Variants in RALGPS2 observed in about 807,000 individuals in gnomAD.
RALGPS2 encodes the protein ras-specific guanine nucleotide-releasing factor RalGPS2.
RALGPS2 carries 43 observed loss-of-function variants against 86.8 expected under a neutral mutation model. The observed-to-expected ratio is 0.50, with a 90% confidence interval of 0.39 to 0.64. The LOEUF (loss-of-function observed/expected upper bound fraction) is 0.64, where lower values mean the gene tolerates loss of function less well. RALGPS2 is among the 30% of genes least tolerant of loss of function. The pLI is 0.00. For missense variants in RALGPS2, 536 were observed against 694.6 expected (o/e 0.77, Z 2.57); for synonymous variants, 243 against 231.3 (o/e 1.05, Z -0.46).
intron 19 of RALGPS2, 102 bp from the exon 20 acceptor site, chr1:178,916,228 T>C: frequency 1.1e-6 from 1 of 902,130 alleles, no homozygotes; most frequent in Non-Finnish European, 1.7e-6. Flanking sequence ...TAAAAGATAC[T>C]TAAGTAGAAA....
chr1:178,761,856 T>G (rs999396173), intron 1 of RALGPS2, among the ~76,000 whole-genome samples: 10 of 152,196 alleles, frequency 6.6e-5, no homozygotes, highest in Non-Finnish European at 1.5e-4. Flanking sequence ...CCAGAAGCTC[T>G]GATTGATTTT....
At chr1:178,872,108 C>T (rs952086262) in intron 8 of RALGPS2, among the ~76,000 whole-genome samples, 1 of 152,182 alleles carries the variant, frequency 6.6e-6, no homozygotes, top group African/African-American at 2.4e-5. Flanking sequence ...TACCTAGTTG[C>T]TGTAAGCTGC....
intron 1 of RALGPS2, chr1:178,747,646 T>C (rs1651410548): frequency 6.4e-7 from 1 of 1,551,214 alleles, no homozygotes; most frequent in South Asian, 1.1e-5. Context: ...ATTAATATAA[T>C]CATTCTCAGC....
chr1:178,758,538 C>G (rs1032551550), intron 1 of RALGPS2, among the ~76,000 whole-genome samples: 16 of 152,200 alleles, frequency 1.1e-4, no homozygotes, highest in Non-Finnish European at 1.5e-4. Context: ...TCCTACCCCC[C>G]CTGCCCTCAT....
chr1:178,751,372 A>G (rs1312636095), intron 1 of RALGPS2, among the ~76,000 whole-genome samples: 7 of 152,296 alleles, frequency 4.6e-5, no homozygotes, highest in African/African-American at 1.7e-4. Context: ...ACAGAAGTAA[A>G]TACGAAGGAA....
At chr1:178,725,909 G>C (rs1198706641) in intron 1 of RALGPS2, 2 of 152,210 alleles carry the variant, frequency 1.3e-5, no homozygotes, top group Middle Eastern at 3.2e-3. Context: ...CCTGGCCGCA[G>C]AGTTGGCCGC....
At chr1:178,830,588 C>T (rs544127696) in intron 7 of RALGPS2, among the ~76,000 whole-genome samples, 2 of 152,188 alleles carry the variant, frequency 1.3e-5, no homozygotes, top group Admixed American at 1.3e-4. Context: ...TGAGATGACT[C>T]AAGGGCTTAA....
At chr1:178,745,070 T>A (rs1028703907) in intron 1 of RALGPS2, among the ~76,000 whole-genome samples, 1 of 152,164 alleles carries the variant, frequency 6.6e-6, no homozygotes, top group Non-Finnish European at 1.5e-5. Context: ...GTATCAGATA[T>A]GAAATACTGT....
intron 9 of RALGPS2, 62 bp from the exon 10 acceptor site, chr1:178,878,840 A>T (rs1014205433): frequency 4.0e-5 from 63 of 1,575,888 alleles, no homozygotes; most frequent in Non-Finnish European, 5.1e-5. Flanking sequence ...TTTTCAGCTT[A>T]ATTTTTAAAG....
chr1:178,810,530 A>ATTT (rs777484199), intron 5 of RALGPS2, among the ~76,000 whole-genome samples: 1 of 140,548 alleles, frequency 7.1e-6, no homozygotes. Flanking sequence ...GCATAACTTG[A>ATTT]TTTTTTTTTT....
At chr1:178,896,651 C>G (rs1659957496) in intron 16 of RALGPS2, among the ~76,000 whole-genome samples, 1 of 145,532 alleles carries the variant, frequency 6.9e-6, no homozygotes, top group South Asian at 2.3e-4. Context: ...GTGATATTCC[C>G]CTTCCTGTGT....
At chr1:178,824,947 A>G (rs1159077129) in intron 7 of RALGPS2, among the ~76,000 whole-genome samples, 1 of 152,184 alleles carries the variant, frequency 6.6e-6, no homozygotes, top group African/African-American at 2.4e-5. Flanking sequence ...GTTTCCTCAG[A>G]CATAAAAAAG....
chr1:178,884,013 T>C (rs1412394068), intron 11 of RALGPS2, among the ~76,000 whole-genome samples: 1 of 152,100 alleles, frequency 6.6e-6, no homozygotes, highest in Non-Finnish European at 1.5e-5. Context: ...TTGCTATAGT[T>C]TGTCAGTAGT....
chr1:178,881,953 A>G (rs998694455), intron 10 of RALGPS2, among the ~76,000 whole-genome samples: 7 of 152,222 alleles, frequency 4.6e-5, no homozygotes, highest in African/African-American at 1.7e-4. Flanking sequence ...GGGCAACTTC[A>G]TCTACATAGG....
intron 4 of RALGPS2, among the ~76,000 whole-genome samples, chr1:178,792,720 G>A (rs1166113562): frequency 2.0e-5 from 3 of 152,162 alleles, no homozygotes; most frequent in Non-Finnish European, 2.9e-5. Flanking sequence ...TCTATGGATA[G>A]TGATCCCTTT....
In RALGPS2 at chr1:178,917,962, T is replaced by C. The variant is rs1319821771; in HGVS notation, c.*1603T>C. The C allele has an allele frequency of 6.6e-6, 1 of 152,206 alleles. No individual in the cohort carries two copies. Among genetic ancestry groups the C allele is most frequent in the East Asian group, 1.9e-4 (1 of 5,204 alleles). The allele number at this position is 152,206 out of a possible 1,614,324, so 9.4% of individuals were successfully genotyped here. On this transcript the variant is annotated 3_prime_UTR_variant, in exon 20 of 20. Coordinates refer to ENST00000367635, the MANE Select transcript of RALGPS2 (RefSeq NM_152663.5). ...CTTTTTTATTATAAGTATTTTGCCC[T>C]TGAGTCCATGAAACTTCAATAGAAA...
intron 1 of RALGPS2, among the ~76,000 whole-genome samples, chr1:178,751,620 C>CA (rs775540638): frequency 3.3e-5 from 5 of 152,120 alleles, no homozygotes; most frequent in Non-Finnish European, 7.4e-5. Flanking sequence ...AACAGTGTTT[C>CA]AATCTCTGTA....
chr1:178,796,051 C>G (rs1392620747), intron 4 of RALGPS2, among the ~76,000 whole-genome samples: 1 of 152,120 alleles, frequency 6.6e-6, no homozygotes, highest in Non-Finnish European at 1.5e-5. Flanking sequence ...GTTTGTATTA[C>G]TGCTGTTCAT....
At position 178,808,047 on chromosome 1, in the gene RALGPS2, G is replaced by A; in HGVS notation, c.216G>A (p.Glu72=). ...VPVFKAIQPD[E]LSSCGWNKKE... ...TAATTTTCACCTTAATTTTCCAGGA[G>A]CTTTCAAGTTGTGGATGGAATAAAA... is the stretch of plus-strand genomic sequence containing the variant. Residue 72 remains glutamate, a splice_region_variant and synonymous_variant, in exon 5 of 20, where the codon GAG becomes GAA. Transcript: ENST00000367635. 1 of 1,602,268 alleles carries A rather than the reference G, an allele frequency of 6.2e-7. No individual in the cohort carries two copies. The highest frequency in any genetic ancestry group is 8.5e-7 in the Non-Finnish European group (1 of 1,170,492).
Sources: allele counts gnomAD v4.1 joint callset (sites outside exome capture counted in the v4.1 genomes callset), GRCh38; gene constraint gnomAD v4.1.1; transcripts MANE v1.5; gene names NCBI Gene and HGNC (gene_info 2026-07-23, HGNC 2026-07-21).